Variants in SNTG2 observed in about 807,000 individuals in gnomAD.
SNTG2 encodes the protein gamma-2-syntrophin.
In SNTG2, 74 loss-of-function variants were observed where a neutral mutation model predicts 70.9. The ratio of observed to expected loss-of-function variants is 1.04; its 90% CI spans 0.86 to 1.27. The LOEUF (loss-of-function observed/expected upper bound fraction) is 1.27. Ranked by LOEUF, SNTG2 falls within the 50% of genes most tolerant of loss-of-function variation. SNTG2 has a pLI of 0.00. For synonymous variants in SNTG2, 278 were observed against 273.8 expected, an observed-to-expected ratio of 1.02 and a Z score of -0.15; for missense variants, 717 against 690.7, an observed-to-expected ratio of 1.04 and a Z score of -0.43.
At chr2:1,116,888 G>A (rs561694875) in intron 4 of SNTG2, among the ~76,000 whole-genome samples, 33 of 147,136 alleles carry the variant, frequency 2.2e-4, no homozygotes, top group African/African-American at 6.8e-4. Context: ...CCTGGTGTAC[G>A]GGTGCCCTAG....
intron 9 of SNTG2, among the ~76,000 whole-genome samples, chr2:1,222,521 G>GT (rs1558555821): frequency 1.6e-5 from 2 of 126,800 alleles, no homozygotes; most frequent in African/African-American, 3.2e-5. Context: ...TCCCTGTCCT[G>GT]CCTGCTGCTG....
At position 1,268,621 on chromosome 2, in the gene SNTG2, T is replaced by C. The variant is rs1388250937; in HGVS notation, c.1284+1050T>C. On this transcript the variant is annotated intron_variant, in intron 14 of 16. Transcript: ENST00000308624. ...CCTGATGCTTAAAGTAACCTTTATA[T>C]TTGAAGCATCCAATTCATTAACCAT... is the stretch of plus-strand genomic sequence containing the variant. Among the ~76,000 whole-genome samples the C allele has an allele frequency of 2.0e-5, 3 of 152,224 alleles. No homozygotes were observed. The East Asian group carries it at 5.8e-4, about 29-fold the overall frequency.
intron 6 of SNTG2, among the ~76,000 whole-genome samples, chr2:1,139,706 G>A (rs6706215): frequency 0.19 from 28,822 of 151,886 alleles, 2,812 homozygotes; most frequent in Non-Finnish European, 0.22. Context: ...GCGCATACCT[G>A]TAGCCCCAGC....
chr2:1,154,357 T>C (rs7582321), intron 6 of SNTG2, among the ~76,000 whole-genome samples: 129,772 of 152,088 alleles, frequency 0.85, 55,740 homozygotes, highest in Middle Eastern at 0.95. Flanking sequence ...GCGAGCGGGA[T>C]GGGACGCCAA....
At chr2:1,311,547 G>A in intron 15 of SNTG2, among the ~76,000 whole-genome samples, 2 of 152,182 alleles carry the variant, frequency 1.3e-5, no homozygotes, top group East Asian at 1.9e-4. Context: ...TGTCACTCAT[G>A]TCAATGTAGG....
At chr2:1,305,492 T>G (rs1680634741) in intron 14 of SNTG2, among the ~76,000 whole-genome samples, 1 of 152,176 alleles carries the variant, frequency 6.6e-6, no homozygotes, top group Non-Finnish European at 1.5e-5. Flanking sequence ...TTCCAAGGCA[T>G]CAAGGGAAAA....
intron 13 of SNTG2, among the ~76,000 whole-genome samples, chr2:1,265,019 C>G (rs556508821): frequency 3.9e-5 from 6 of 152,210 alleles, no homozygotes; most frequent in Non-Finnish European, 8.8e-5. Flanking sequence ...TCTTCAACTG[C>G]GTGAGAGTTG....
At chr2:1,272,544 C>T (rs199497794) in intron 14 of SNTG2, among the ~76,000 whole-genome samples, 3 of 101,350 alleles carry the variant, frequency 3.0e-5, no homozygotes, top group East Asian at 3.4e-4. Context: ...GAAACAGGTA[C>T]AGAAAGGACA....
intron 4 of SNTG2, among the ~76,000 whole-genome samples, chr2:1,131,334 A>T (rs2148313702): frequency 6.6e-6 from 1 of 152,240 alleles, no homozygotes; most frequent in East Asian, 1.9e-4. Context: ...TCAGGAGGTA[A>T]AAAGGCAATT....
At chr2:1,123,541 G>A (rs7588028) in intron 4 of SNTG2, among the ~76,000 whole-genome samples, 72,363 of 152,030 alleles carry the variant, frequency 0.48, 18,350 homozygotes, top group East Asian at 0.66. Flanking sequence ...GTCTTACACC[G>A]TATAGGAAAC....
At chr2:1,077,145 G>A (rs895098824) in intron 1 of SNTG2, among the ~76,000 whole-genome samples, 8 of 152,174 alleles carry the variant, frequency 5.3e-5, no homozygotes, top group East Asian at 1.9e-4. Context: ...CACCTTGCCC[G>A]CCACTCTCAG....
chr2:1,006,502 T>C (rs1321951607), intron 1 of SNTG2, among the ~76,000 whole-genome samples: 1 of 152,120 alleles, frequency 6.6e-6, no homozygotes, highest in Non-Finnish European at 1.5e-5. Flanking sequence ...GTATCATCAT[T>C]TACTTAGAGA....
intron 1 of SNTG2, among the ~76,000 whole-genome samples, chr2:1,033,639 T>C (rs1208561955): frequency 6.6e-6 from 1 of 152,208 alleles, no homozygotes; most frequent in East Asian, 1.9e-4. Flanking sequence ...CCTGAAAAAG[T>C]TGTGGCCAAC....
At chr2:1,193,336 C>CT (rs1389688406) in intron 8 of SNTG2, among the ~76,000 whole-genome samples, 2 of 152,160 alleles carry the variant, frequency 1.3e-5, no homozygotes, top group Non-Finnish European at 2.9e-5. Context: ...GCCCTCCCTC[C>CT]TAGAGGCTCC....
At chr2:1,182,204 C>T (rs1428953012) in intron 8 of SNTG2, among the ~76,000 whole-genome samples, 1 of 152,108 alleles carries the variant, frequency 6.6e-6, no homozygotes, top group Non-Finnish European at 1.5e-5. Context: ...ATTTAAAGTG[C>T]TCACCTGTGG....
intron 11 of SNTG2, among the ~76,000 whole-genome samples, chr2:1,241,937 C>T (rs1433142168): frequency 6.6e-6 from 1 of 152,168 alleles, no homozygotes; most frequent in Non-Finnish European, 1.5e-5. Context: ...TTAACAAATT[C>T]ACTCCTGAGG....
intron 16 of SNTG2, chr2:1,346,472 A>T (rs1660281832): frequency 6.6e-6 from 1 of 152,352 alleles, no homozygotes; most frequent in African/African-American, 2.4e-5. Flanking sequence ...TGTTCTGCAC[A>T]TCCCACCCAA....
chr2:1,351,588 T>C (rs1436093747), intron 16 of SNTG2, among the ~76,000 whole-genome samples: 2 of 152,050 alleles, frequency 1.3e-5, no homozygotes, highest in African/African-American at 2.4e-5. Context: ...CCAAATAAGA[T>C]TGGAGGCACA....
At chr2:1,286,390 T>C (rs772266130) in intron 14 of SNTG2, among the ~76,000 whole-genome samples, 1 of 152,206 alleles carries the variant, frequency 6.6e-6, no homozygotes. Context: ...CTAGTTGGCA[T>C]TGTGACTTCA....
Sources: allele counts gnomAD v4.1 joint callset (sites outside exome capture counted in the v4.1 genomes callset), GRCh38; gene constraint gnomAD v4.1.1; transcripts MANE v1.5; gene names NCBI Gene and HGNC (gene_info 2026-07-23, HGNC 2026-07-21).